DNAJC1: variants seen among roughly 807,000 people sequenced by gnomAD.
DNAJC1 encodes the protein dnaJ homolog subfamily C member 1.
A neutral mutation model predicts 76.6 loss-of-function variants in DNAJC1; 58 were observed. The observed-to-expected ratio is 0.76, with a 90% CI of 0.61 to 0.94. The LOEUF (loss-of-function observed/expected upper bound fraction) is 0.94, where lower values mean the gene tolerates loss of function less well. Among genes scored for constraint, DNAJC1 ranks in the 40% least tolerant of loss-of-function variants. DNAJC1 has a pLI of 0.00. For missense variants in DNAJC1, 689 were observed against 677.3 expected (o/e 1.02, Z -0.19); for synonymous variants, 258 against 267.9 (o/e 0.96, Z 0.36).
At chr10:21,774,194 C>A (rs1834426208) in intron 9 of DNAJC1, among the ~76,000 whole-genome samples, 1 of 151,456 alleles carries the variant, frequency 6.6e-6, no homozygotes, top group Admixed American at 6.6e-5. Flanking sequence ...TGCATTTTAC[C>A]TAAATAATAA....
chr10:21,834,590 A>G (rs1388443772), intron 8 of DNAJC1, among the ~76,000 whole-genome samples: 1 of 152,162 alleles, frequency 6.6e-6, no homozygotes, highest in African/African-American at 2.4e-5. Flanking sequence ...GCAGTGACAG[A>G]CGGCACCTGG....
chr10:21,786,165 C>T (rs149332966), intron 9 of DNAJC1, among the ~76,000 whole-genome samples: 3 of 151,878 alleles, frequency 2.0e-5, no homozygotes, highest in African/African-American at 7.2e-5. Context: ...TAGATGTTCA[C>T]GGACTATAGA....
At chr10:21,912,196 A>T in intron 6 of DNAJC1, among the ~76,000 whole-genome samples, 1 of 151,826 alleles carries the variant, frequency 6.6e-6, no homozygotes, top group Non-Finnish European at 1.5e-5. Flanking sequence ...TTTTTTTCTT[A>T]TATTTTAATA....
intron 7 of DNAJC1, among the ~76,000 whole-genome samples, chr10:21,885,290 C>T (rs1836352986): frequency 6.6e-6 from 1 of 152,118 alleles, no homozygotes; most frequent in South Asian, 2.1e-4. Context: ...CAAGACTTAA[C>T]TATCCTAAAT....
chr10:21,838,065 C>T (rs1239585475), intron 8 of DNAJC1, among the ~76,000 whole-genome samples: 2 of 151,888 alleles, frequency 1.3e-5, no homozygotes, highest in African/African-American at 4.8e-5. Flanking sequence ...CTCTGCCTGG[C>T]CGCCCCTTCT....
chr10:21,959,822 G>A (rs1220888206), intron 1 of DNAJC1, among the ~76,000 whole-genome samples: 5 of 150,534 alleles, frequency 3.3e-5, no homozygotes, highest in Admixed American at 6.6e-5. Context: ...AAAGAAGAGA[G>A]AAATCCATTT....
chr10:21,932,845 A>G (rs1837250206), intron 1 of DNAJC1, among the ~76,000 whole-genome samples: 1 of 152,012 alleles, frequency 6.6e-6, no homozygotes, highest in African/African-American at 2.4e-5. Context: ...CTGGTCTCAA[A>G]CTCCTTGGCC....
chr10:21,945,031 A>C (rs1235396866), intron 1 of DNAJC1, among the ~76,000 whole-genome samples: 3 of 152,352 alleles, frequency 2.0e-5, no homozygotes, highest in Non-Finnish European at 4.4e-5. Flanking sequence ...CTGAAACTCA[A>C]AGTAGTAGTT....
intron 8 of DNAJC1, among the ~76,000 whole-genome samples, chr10:21,877,390 C>A (rs1247051655): frequency 6.6e-6 from 1 of 151,618 alleles, no homozygotes. Context: ...TCAAAAGACA[C>A]CACTAAGAAC....
intron 8 of DNAJC1, among the ~76,000 whole-genome samples, chr10:21,839,405 ATGATAAAGGGGATATCACCAC>A (rs906634922): frequency 5.9e-5 from 9 of 152,358 alleles, no homozygotes; most frequent in African/African-American, 1.9e-4. Context: ...GCAATAAAAA[ATGATAAAGGGGATATCACCAC>A]TGATCCCACA....
chr10:21,910,826 AGGAAGG>A (rs1836843433), intron 6 of DNAJC1, among the ~76,000 whole-genome samples: 1 of 76,506 alleles, frequency 1.3e-5, no homozygotes, highest in African/African-American at 5.5e-5. Flanking sequence ...AAGGAAAGAA[AGGAAGG>A]AGAGGAGAGG....
chr10:21,781,903 G>A (rs949532891), intron 9 of DNAJC1, among the ~76,000 whole-genome samples: 2 of 152,042 alleles, frequency 1.3e-5, no homozygotes, highest in African/African-American at 2.4e-5. Context: ...AAAGCAGTGA[G>A]TAGAGGGAAA....
chr10:21,767,951 C>T lies in DNAJC1; in HGVS notation c.1099-1642G>A, dbSNP rs183291144. ...TAGAGGTTGCAGTGAGCTGAGATTA[C>T]GTCACTGCACTCCAGCCTGGGCAAC... On this transcript the variant is annotated intron_variant, in intron 9 of 11. Coordinates refer to ENST00000376980, the MANE Select transcript of DNAJC1 (RefSeq NM_022365.4). Among the ~76,000 whole-genome samples the T allele has an allele frequency of 1.8e-4, 28 of 151,974 alleles. No individual in the cohort carries two copies. In the East Asian group the frequency reaches 4.6e-3, roughly 25 times the overall value.
At chr10:21,947,261 C>T (rs1408094664) in intron 1 of DNAJC1, among the ~76,000 whole-genome samples, 2 of 152,144 alleles carry the variant, frequency 1.3e-5, no homozygotes, top group African/African-American at 4.8e-5. Context: ...TCAGAATACA[C>T]ATAGCTGACC....
chr10:21,835,556 G>A lies in DNAJC1; in HGVS notation c.979-29457C>T, dbSNP rs553432178. Among the ~76,000 whole-genome samples the A allele has an allele frequency of 1.2e-4, 18 of 152,200 alleles. No homozygotes were observed. The East Asian group carries it at 2.7e-3, about 23-fold the overall frequency. On this transcript the variant is annotated intron_variant, in intron 8 of 11. Transcript: ENST00000376980. ...GCTAAAGGAGGAAATTCGAACCAACGGCAAAGAAGTTAAAAGCTTTGAAAA... is the reference window on the plus strand; with the variant it reads ...GCTAAAGGAGGAAATTCGAACCAACAGCAAAGAAGTTAAAAGCTTTGAAAA...
At chr10:21,942,815 A>C (rs1196180513) in intron 1 of DNAJC1, among the ~76,000 whole-genome samples, 1 of 151,036 alleles carries the variant, frequency 6.6e-6, no homozygotes, top group Non-Finnish European at 1.5e-5. Context: ...CAAAAAAAAA[A>C]AAAAAAAAAG....
At chr10:21,927,716 T>C (rs946635131) in intron 3 of DNAJC1, among the ~76,000 whole-genome samples, 1 of 152,232 alleles carries the variant, frequency 6.6e-6, no homozygotes, top group African/African-American at 2.4e-5. Context: ...TGTGTGTGTG[T>C]GCGTATGTGT....
intron 9 of DNAJC1, among the ~76,000 whole-genome samples, chr10:21,783,623 G>C (rs1295061374): frequency 2.6e-5 from 4 of 152,144 alleles, no homozygotes; most frequent in Admixed American, 2.6e-4. Flanking sequence ...AACAAAGCTG[G>C]AGGCATCACA....
chr10:21,772,567 T>A (rs988940910), intron 9 of DNAJC1, among the ~76,000 whole-genome samples: 1 of 152,164 alleles, frequency 6.6e-6, no homozygotes, highest in Non-Finnish European at 1.5e-5. Context: ...TTTATTTATA[T>A]AAGATTGGCA....
Sources: allele counts gnomAD v4.1 joint callset (sites outside exome capture counted in the v4.1 genomes callset), GRCh38; gene constraint gnomAD v4.1.1; transcripts MANE v1.5; gene names NCBI Gene and HGNC (gene_info 2026-07-23, HGNC 2026-07-21).